The following FER variants were observed in gnomAD, a reference collection of about 807,000 sequenced individuals.
The protein encoded by FER is tyrosine-protein kinase Fer.
FER carries 63 observed loss-of-function variants against 111.0 expected under a neutral mutation model. That is an observed-to-expected ratio of 0.57 (90% CI 0.46 to 0.70). FER has a LOEUF of 0.70. Among genes scored for constraint, FER ranks in the 30% least tolerant of loss-of-function variants. The pLI is 0.00. For missense variants in FER, 914 were observed against 954.0 expected (o/e 0.96, Z 0.55); for synonymous variants, 327 against 313.9 (o/e 1.04, Z -0.44).
chr5:109,111,457 G>A (rs1000348893), intron 17 of FER, among the ~76,000 whole-genome samples: 1 of 152,044 alleles, frequency 6.6e-6, no homozygotes, highest in Admixed American at 6.6e-5. Context: ...TGTATAGATT[G>A]GTGCAAAAGT....
At position 108,883,822 on chromosome 5, in the gene FER, C is replaced by A. The variant is rs936240983; in HGVS notation, c.1046+304C>A. ...CATTGTTAAAAGCTGTCTTTACTTT[C>A]CTACATCCATTTTCACCAGACCCAT... On this transcript the variant is annotated intron_variant, in intron 9 of 19. Coordinates refer to ENST00000281092, the MANE Select transcript of FER (RefSeq NM_005246.4). Among the ~76,000 whole-genome samples the A allele has an allele frequency of 2.0e-5, 3 of 151,932 alleles. No homozygotes were observed. In the South Asian group the frequency reaches 6.2e-4, roughly 31 times the overall value.
chr5:108,904,395 C>A (rs1750457554), intron 10 of FER, among the ~76,000 whole-genome samples: 1 of 152,036 alleles, frequency 6.6e-6, no homozygotes. Context: ...ACTGAGAGAG[C>A]AAATGAGACT....
intron 16 of FER, among the ~76,000 whole-genome samples, chr5:109,099,109 G>C (rs1375867021): frequency 6.6e-6 from 1 of 151,350 alleles, no homozygotes; most frequent in East Asian, 1.9e-4. Flanking sequence ...TAATATCTGG[G>C]GGCCTAATAG....
At chr5:109,001,491 A>G (rs1416514366) in intron 13 of FER, among the ~76,000 whole-genome samples, 1 of 152,236 alleles carries the variant, frequency 6.6e-6, no homozygotes, top group Non-Finnish European at 1.5e-5. Context: ...TCTCAAAGTA[A>G]TAAGAGCTAT....
intron 3 of FER, among the ~76,000 whole-genome samples, chr5:108,801,519 C>A (rs1049529627): frequency 6.6e-6 from 1 of 152,204 alleles, no homozygotes; most frequent in African/African-American, 2.4e-5. Context: ...CATTGTTGTC[C>A]ATCAGAATAT....
At chr5:108,836,247 A>G (rs549292335) in intron 5 of FER, among the ~76,000 whole-genome samples, 205 of 152,224 alleles carry the variant, frequency 1.3e-3, no homozygotes, top group African/African-American at 4.4e-3. Context: ...TTATGTGTCT[A>G]TATTGCCCTA....
chr5:109,106,562 A>G (rs1029933720), intron 17 of FER, among the ~76,000 whole-genome samples: 9 of 152,178 alleles, frequency 5.9e-5, no homozygotes, highest in Non-Finnish European at 1.2e-4. Context: ...TTGCTATAAT[A>G]CAGAGAGGAC....
intron 13 of FER, among the ~76,000 whole-genome samples, chr5:109,013,292 A>G (rs1766562280): frequency 7.7e-6 from 1 of 130,622 alleles, no homozygotes; most frequent in Admixed American, 9.5e-5. Context: ...ATGTGTTCTC[A>G]TTGTTCAATT....
chr5:109,061,529 A>G (rs531259788), intron 16 of FER, among the ~76,000 whole-genome samples: 1 of 152,278 alleles, frequency 6.6e-6, no homozygotes, highest in East Asian at 1.9e-4. Flanking sequence ...CTCTATTTCT[A>G]CTATTGTGTA....
intron 16 of FER, chr5:109,051,661 T>G: frequency 6.3e-7 from 1 of 1,576,094 alleles, no homozygotes; most frequent in South Asian, 1.1e-5. Flanking sequence ...GCCATTGAAA[T>G]AAGCATATTT....
chr5:109,117,354 C>T (rs182979758), intron 17 of FER, among the ~76,000 whole-genome samples: 97 of 151,960 alleles, frequency 6.4e-4, no homozygotes, highest in Non-Finnish European at 1.2e-3. Context: ...CCCTATAATT[C>T]CACTATTTCA....
chr5:108,767,015 C>A (rs1213824919), intron 1 of FER, among the ~76,000 whole-genome samples: 1 of 152,102 alleles, frequency 6.6e-6, no homozygotes, highest in South Asian at 2.1e-4. Context: ...GCCTATGAGG[C>A]AGAGGCCAGG....
In FER at chr5:108,852,416, A is replaced by G. The variant is rs186595697; in HGVS notation, c.482-15351A>G. On this transcript the variant is annotated intron_variant, in intron 5 of 19. Transcript: ENST00000281092. ...TTAAAAAATGGATACGACTTTTTAAAAGCTCTTTTAGTTGATTTCCTCAAT... is the reference window on the plus strand; with the variant it reads ...TTAAAAAATGGATACGACTTTTTAAGAGCTCTTTTAGTTGATTTCCTCAAT... Among the ~76,000 whole-genome samples, 42 of 152,272 alleles carry G rather than the reference A, an allele frequency of 2.8e-4. 2 individuals are homozygous for G. The Middle Eastern group carries it at 0.01, about 37-fold the overall frequency.
At chr5:108,999,448 G>T (rs954077458) in intron 13 of FER, among the ~76,000 whole-genome samples, 3 of 151,944 alleles carry the variant, frequency 2.0e-5, no homozygotes, top group Non-Finnish European at 4.4e-5. Context: ...TTCTTTAAAT[G>T]GATATTTTTA....
Position 109,012,285 on chromosome 5 carries a change from C to G in FER, c.1657-25137C>G, listed in dbSNP as rs770830019. Among the ~76,000 whole-genome samples, 4 of 152,066 alleles carry G rather than the reference C, an allele frequency of 2.6e-5. No homozygotes were observed. In the East Asian group the frequency reaches 7.7e-4, roughly 29 times the overall value. On this transcript the variant is annotated intron_variant, in intron 13 of 19. Transcript: ENST00000281092. Reference sequence around the variant, plus strand: ...TTCACATAGATAAATACAACTCAGCCGGTTTAGTGATTAAATGTAGAGCAG... The same window carrying G: ...TTCACATAGATAAATACAACTCAGCGGGTTTAGTGATTAAATGTAGAGCAG...
At chr5:108,786,316 C>G (rs1754709238) in intron 2 of FER, among the ~76,000 whole-genome samples, 1 of 152,146 alleles carries the variant, frequency 6.6e-6, no homozygotes, top group Non-Finnish European at 1.5e-5. Context: ...TCTATTCACT[C>G]TCTGCCTGCT....
rs560375910 is a variant in FER at position 108,817,836 on chromosome 5, G to T, written c.208-14934G>T. Among the ~76,000 whole-genome samples the T allele has an allele frequency of 2.0e-5, 3 of 152,248 alleles. No individual in the cohort carries two copies. The South Asian group carries it at 6.2e-4, about 32-fold the overall frequency. ...TGTAGTTTTCTCTTTTTCAAAAGTTGCATGCAGAGTTTACTTTCTTTATAT... is the reference window on the plus strand; with the variant it reads ...TGTAGTTTTCTCTTTTTCAAAAGTTTCATGCAGAGTTTACTTTCTTTATAT... On this transcript the variant is annotated intron_variant, in intron 3 of 19. Transcript: ENST00000281092.
In FER at chr5:108,972,572, A is replaced by G. The variant is rs531070619; in HGVS notation, c.1656+13225A>G. Among the ~76,000 whole-genome samples the G allele has an allele frequency of 3.3e-5, 5 of 152,208 alleles. No individual in the cohort carries two copies. In the East Asian group the frequency reaches 5.8e-4, roughly 18 times the overall value. ...CAGTCTTGTACTATGTTAGTTTTGT[A>G]TATCTGACGTGCCCATTAAAGGTGT... On this transcript the variant is annotated intron_variant, in intron 13 of 19. Coordinates refer to ENST00000281092, the MANE Select transcript of FER (RefSeq NM_005246.4).
At chr5:109,153,546 G>T (rs1355432195) in intron 17 of FER, among the ~76,000 whole-genome samples, 1 of 151,908 alleles carries the variant, frequency 6.6e-6, no homozygotes, top group Non-Finnish European at 1.5e-5. Flanking sequence ...TCTTGGGTGG[G>T]ACAGTGGGAA....
Sources: allele counts gnomAD v4.1 joint callset (sites outside exome capture counted in the v4.1 genomes callset), GRCh38; gene constraint gnomAD v4.1.1; transcripts MANE v1.5; gene names NCBI Gene and HGNC (gene_info 2026-07-23, HGNC 2026-07-21).